The following CACNA1D variants were observed in gnomAD, a reference collection of about 807,000 sequenced individuals.
The protein encoded by CACNA1D is voltage-dependent L-type calcium channel subunit alpha-1D.
A neutral mutation model predicts 257.1 loss-of-function variants in CACNA1D; 55 were observed. The observed-to-expected ratio is 0.21, with a 90% CI of 0.17 to 0.27. CACNA1D has a LOEUF of 0.27. CACNA1D is among the 10% of genes least tolerant of loss of function. The pLI is 1.00. For missense variants in CACNA1D, 1,876 were observed against 2,784.0 expected, an observed-to-expected ratio of 0.67 and a Z score of 7.34; for synonymous variants, 980 against 1,014.9, an observed-to-expected ratio of 0.97 and a Z score of 0.65.
Position 53,702,716 on chromosome 3 carries a change from G to A in CACNA1D, c.1296G>A (p.Glu432=). ...FQKLREKQQL[E]EDLKGYLDWI... ...AGCTCCGGGAGAAGCAGCAGCTGGA[G>A]GAGGATCTAAAGGGCTACTTGGATT... The change falls in exon 9 of 48, where the codon GAG becomes GAA. Residue 432 remains glutamate, a synonymous_variant. Coordinates refer to ENST00000350061, the MANE Select transcript of CACNA1D (RefSeq NM_001128840.3). 1 of 1,614,230 alleles carries A rather than the reference G, an allele frequency of 6.2e-7. No homozygotes were observed. The highest frequency in any genetic ancestry group is 1.1e-5 in the South Asian group (1 of 91,088).
At chr3:53,507,529 G>T (rs2090909814) in intron 3 of CACNA1D, among the ~76,000 whole-genome samples, 1 of 152,084 alleles carries the variant, frequency 6.6e-6, no homozygotes, top group South Asian at 2.1e-4. Context: ...GAGGTGGGGG[G>T]ATTGCTTGTG....
At chr3:53,502,909 G>A (rs909855719) in intron 3 of CACNA1D, among the ~76,000 whole-genome samples, 18 of 152,126 alleles carry the variant, frequency 1.2e-4, no homozygotes, top group Non-Finnish European at 2.1e-4. Context: ...AGCTGGTTCC[G>A]TTTGTTTTTG....
chr3:53,579,914 C>T (rs1299562364), intron 3 of CACNA1D, among the ~76,000 whole-genome samples: 1 of 152,234 alleles, frequency 6.6e-6, no homozygotes, highest in Non-Finnish European at 1.5e-5. Context: ...ACTGAGGAAG[C>T]CGCTGATGGC....
At chr3:53,656,855 A>C (rs919720799) in intron 4 of CACNA1D, among the ~76,000 whole-genome samples, 72 of 152,224 alleles carry the variant, frequency 4.7e-4, no homozygotes, top group African/African-American at 1.7e-3. Context: ...AACTACAGTG[A>C]CAGTACTGCA....
Position 53,501,729 on chromosome 3 carries a change from CCTT to C in CACNA1D, c.483+10_483+12del. On this transcript the variant is annotated intron_variant, in intron 3 of 47. Coordinates refer to ENST00000350061, the MANE Select transcript of CACNA1D (RefSeq NM_001128840.3). Reference sequence around the variant, plus strand: ...CAACAAATCATAACTTGGTAAGTGTCCTTAGAGTTCCTGCTGGTCCTGGTATAT... The same window carrying C: ...CAACAAATCATAACTTGGTAAGTGTCAGAGTTCCTGCTGGTCCTGGTATAT... 4 of 1,359,048 alleles carry C rather than the reference CCTT, an allele frequency of 2.9e-6. No individual in the cohort carries two copies. The highest frequency in any genetic ancestry group is 4.2e-6 in the Non-Finnish European group (4 of 948,428). The allele number at this position is 1,359,048 out of a possible 1,614,324, so 84.2% of individuals were successfully genotyped here.
Position 53,808,658 on chromosome 3 carries a change from G to C in CACNA1D, c.5759G>C (p.Arg1920Thr), listed in dbSNP as rs765406325. ...CCCTTTGCTTTCCCAGCCCACCGGA[G>C]ATCCTCCTTCAACTTTGAGTGCCTG... ...LLPPTPASHR[R>T]SSFNFECLRR... is the part of the protein sequence containing the mutation. Residue 1920 changes from arginine to threonine, a missense_variant, in exon 46 of 48, where the codon AGA becomes ACA. By Grantham distance (71) the Arg-to-Thr change is moderately conservative (BLOSUM62 -1). Around this residue, in one of 10 missense-constraint regions of CACNA1D, gnomAD observed 491 missense variants for 554.3 expected, o/e 0.89. Coordinates refer to ENST00000350061, the MANE Select transcript of CACNA1D (RefSeq NM_001128840.3). 50 of 1,608,306 alleles carry C rather than the reference G, an allele frequency of 3.1e-5. No homozygotes were observed. The highest frequency in any genetic ancestry group is 4.2e-5 in the Non-Finnish European group (49 of 1,179,978).
At chr3:53,772,977 G>T in intron 33 of CACNA1D, 79 bp downstream of exon 33, 1 of 1,173,588 alleles carries the variant, frequency 8.5e-7, no homozygotes. Context: ...CCCTGACCAA[G>T]TGAAGTAGAA....
At chr3:53,625,547 G>A (rs2093747863) in intron 3 of CACNA1D, among the ~76,000 whole-genome samples, 1 of 152,040 alleles carries the variant, frequency 6.6e-6, no homozygotes, top group African/African-American at 2.4e-5. Flanking sequence ...CTGGGATTTG[G>A]GAGCATTCAT....
chr3:53,775,756 A>G, intron 34 of CACNA1D, 130 bp from the exon 35 acceptor site: 3 of 904,284 alleles, frequency 3.3e-6, no homozygotes, highest in South Asian at 2.7e-5. Flanking sequence ...TCACATTTCC[A>G]TTAATTCAAA....
chr3:53,700,411 G>A (rs1475645457), intron 8 of CACNA1D, among the ~76,000 whole-genome samples: 1 of 152,116 alleles, frequency 6.6e-6, no homozygotes, highest in Non-Finnish European at 1.5e-5. Context: ...TCATTTTCCT[G>A]CAGATACATG....
chr3:53,576,160 G>A (rs978274621), intron 3 of CACNA1D, among the ~76,000 whole-genome samples: 2 of 152,128 alleles, frequency 1.3e-5, no homozygotes, highest in African/African-American at 2.4e-5. Flanking sequence ...GGAGCATGCT[G>A]CTGCTTTTCA....
At chr3:53,699,595 A>G (rs1365303577) in intron 8 of CACNA1D, among the ~76,000 whole-genome samples, 1 of 152,210 alleles carries the variant, frequency 6.6e-6, no homozygotes, top group Non-Finnish European at 1.5e-5. Flanking sequence ...GGTTTATCAC[A>G]GGGACTCTAC....
chr3:53,651,525 C>T (rs1325845235), intron 4 of CACNA1D, among the ~76,000 whole-genome samples: 2 of 151,976 alleles, frequency 1.3e-5, no homozygotes, highest in African/African-American at 2.4e-5. Context: ...CACCAAAATC[C>T]TGTTGCAGGA....
Position 53,723,719 on chromosome 3 carries a change from A to G in CACNA1D, c.1892+60A>G, listed in dbSNP as rs1423588565. ...TGAACATGAGGCGGCAACCAGTCAC[A>G]TCCCCGGGCAGGTGATGTTCTGCTC... On this transcript the variant is annotated intron_variant, in intron 13 of 47. Coordinates refer to ENST00000350061, the MANE Select transcript of CACNA1D (RefSeq NM_001128840.3). This position sits in a 1 kb window ranked among gnomAD's most constrained non-coding sequence, Gnocchi z 5.6. The G allele has an allele frequency of 2.5e-6, 4 of 1,590,470 alleles. No homozygotes were observed. The African/African-American group carries it at 5.4e-5, about 21-fold the overall frequency.
chr3:53,668,912 C>G (rs920119386), intron 7 of CACNA1D, among the ~76,000 whole-genome samples: 14 of 152,132 alleles, frequency 9.2e-5, no homozygotes, highest in African/African-American at 3.4e-4. Context: ...CCAACTATTT[C>G]AAATTGTAAA....
chr3:53,673,074 G>A lies in CACNA1D; in HGVS notation c.1168G>A (p.Val390Ile), dbSNP rs866521338. 6.4e-6 allele frequency: 10 copies of A among 1,551,952 alleles called. No individual in the cohort carries two copies. Among genetic ancestry groups the A allele is most frequent in the African/African-American group, 2.7e-5 (2 of 73,020 alleles). The change falls in exon 8 of 48, where the codon GTC (valine) becomes ATC (isoleucine). Residue 390 changes from valine to isoleucine, a missense_variant. By Grantham distance (29) the Val-to-Ile change is conservative. Around this residue, in one of 10 missense-constraint regions of CACNA1D, gnomAD observed 188 missense variants for 390.4 expected, o/e 0.48. Transcript: ENST00000350061. This position sits in a 1 kb window ranked among gnomAD's most constrained non-coding sequence, Gnocchi z 4.1. ...GCCCTGGGTGTATTTTGTCAGTCTC[G>A]TCATCTTTGGGTCATTTTTCGTACT... ...ELPWVYFVSL[V>I]IFGSFFVLNL...
intron 19 of CACNA1D, among the ~76,000 whole-genome samples, 166 bp downstream of exon 19, chr3:53,733,128 A>G (rs990684364): frequency 4.6e-5 from 7 of 151,770 alleles, no homozygotes; most frequent in African/African-American, 1.7e-4. Context: ...TCTCTCCTCC[A>G]CTGTTGCTCT....
chr3:53,777,491 G>A lies in CACNA1D; in HGVS notation c.4587+535G>A, dbSNP rs114762744. 2.3e-3 allele frequency among the ~76,000 whole-genome samples: 347 copies of A among 152,282 alleles called. 2 individuals carry two copies. The highest frequency in any genetic ancestry group is 7.7e-3 in the African/African-American group (318 of 41,552). On this transcript the variant is annotated intron_variant, in intron 37 of 47. Coordinates refer to ENST00000350061, the MANE Select transcript of CACNA1D (RefSeq NM_001128840.3). The stretch of plus-strand genomic sequence containing the variant: ...GGGGATCAACCAGGAGAGCCAGAAC[G>A]AAGGCAGCAGAAGTGGGAAGAGATA...
chr3:53,789,334 A>T lies in CACNA1D; in HGVS notation c.4923+2382A>T, dbSNP rs896463063. Among the ~76,000 whole-genome samples the T allele has an allele frequency of 6.6e-6, 1 of 152,240 alleles. No individual in the cohort carries two copies. The highest frequency in any genetic ancestry group is 2.1e-4 in the South Asian group (1 of 4,836). The stretch of plus-strand genomic sequence containing the variant: ...GAAACTGAAAATGTACTTGATTCTG[A>T]AACATTAAACATAGACATTTTTTTT... On this transcript the variant is annotated intron_variant, in intron 40 of 47. Coordinates refer to ENST00000350061, the MANE Select transcript of CACNA1D (RefSeq NM_001128840.3). This position sits in a 1 kb window ranked among gnomAD's most constrained non-coding sequence, Gnocchi z 4.2.
Sources: allele counts gnomAD v4.1 joint callset (sites outside exome capture counted in the v4.1 genomes callset), GRCh38; gene constraint gnomAD v4.1.1; regional missense constraint gnomAD v4.1.1; non-coding constraint Gnocchi (gnomAD v3.1); transcripts MANE v1.5; gene names NCBI Gene and HGNC (gene_info 2026-07-23, HGNC 2026-07-21).